NXPH1: variants seen among roughly 807,000 people sequenced by gnomAD.
NXPH1 encodes neurexophilin 1, also known as neurexophilin-1.
NXPH1 carries 5 observed loss-of-function variants against 23.7 expected under a neutral mutation model. The observed-to-expected ratio is 0.21, with a 90% CI of 0.11 to 0.44. The LOEUF is 0.44. Ranked by LOEUF, NXPH1 falls within the 20% of genes least tolerant of loss-of-function variation. The pLI, the probability that NXPH1 is intolerant of heterozygous loss-of-function variation, is 0.99. For missense variants in NXPH1, 324 were observed against 321.6 expected, an observed-to-expected ratio of 1.01 and a Z score of -0.06; for synonymous variants, 144 against 122.2, an observed-to-expected ratio of 1.18 and a Z score of -1.18.
intron 2 of NXPH1, among the ~76,000 whole-genome samples, chr7:8,558,193 T>C (rs1818390864): frequency 6.6e-6 from 1 of 151,750 alleles, no homozygotes; most frequent in African/African-American, 2.4e-5. Context: ...ATCTATCAGC[T>C]TTCAAGAGTC....
At chr7:8,536,749 A>G (rs939754350) in intron 2 of NXPH1, among the ~76,000 whole-genome samples, 4 of 151,992 alleles carry the variant, frequency 2.6e-5, no homozygotes, top group Non-Finnish European at 5.9e-5. Context: ...ACAAGAGAAT[A>G]TGGTGGCTTA....
At chr7:8,628,480 G>C (rs1461709431) in intron 2 of NXPH1, among the ~76,000 whole-genome samples, 1 of 150,740 alleles carries the variant, frequency 6.6e-6, no homozygotes, top group Non-Finnish European at 1.5e-5. Context: ...ACATTTAAGA[G>C]GAAAGTCAGG....
At chr7:8,741,456 T>G (rs1780359111) in intron 2 of NXPH1, among the ~76,000 whole-genome samples, 1 of 152,154 alleles carries the variant, frequency 6.6e-6, no homozygotes, top group Non-Finnish European at 1.5e-5. Context: ...TATTTGTAGT[T>G]GTAGTTTTTT....
chr7:8,675,863 T>C (rs1201058303), intron 2 of NXPH1, among the ~76,000 whole-genome samples: 1 of 152,132 alleles, frequency 6.6e-6, no homozygotes, highest in Non-Finnish European at 1.5e-5. Context: ...TTCCAATAAA[T>C]TAGTCAATTC....
At chr7:8,728,990 G>A (rs1306131438) in intron 2 of NXPH1, among the ~76,000 whole-genome samples, 6 of 150,950 alleles carry the variant, frequency 4.0e-5, no homozygotes, top group East Asian at 3.9e-4. Flanking sequence ...TGGTTGGTAA[G>A]CTATTGATTA....
intron 2 of NXPH1, among the ~76,000 whole-genome samples, chr7:8,695,842 A>G (rs1339280737): frequency 6.6e-6 from 1 of 152,192 alleles, no homozygotes; most frequent in Non-Finnish European, 1.5e-5. Flanking sequence ...TCTAACTGAG[A>G]TTAAACGTGG....
chr7:8,573,054 G>T (rs1023145962), intron 2 of NXPH1, among the ~76,000 whole-genome samples: 3 of 150,546 alleles, frequency 2.0e-5, no homozygotes, highest in African/African-American at 7.3e-5. Context: ...TACTGATATT[G>T]TTTTGATATA....
intron 2 of NXPH1, among the ~76,000 whole-genome samples, chr7:8,454,766 G>A (rs1816564793): frequency 6.6e-6 from 1 of 152,104 alleles, no homozygotes; most frequent in Non-Finnish European, 1.5e-5. Flanking sequence ...ATGGAATCCC[G>A]TGATTGAAAC....
At chr7:8,591,558 A>G (rs554588766) in intron 2 of NXPH1, among the ~76,000 whole-genome samples, 1 of 152,168 alleles carries the variant, frequency 6.6e-6, no homozygotes, top group Admixed American at 6.6e-5. Flanking sequence ...TCTTCAACCA[A>G]TATGAACATT....
In NXPH1 at chr7:8,649,275, C is replaced by T. The variant is rs567478014; in HGVS notation, c.55-101733C>T. On this transcript the variant is annotated intron_variant, in intron 2 of 2. Transcript: ENST00000405863. ...TATAATTTTGCTATCTTATTTTGTG[C>T]TGTTTTTCATATGGTATTTATCTCT... 2.6e-5 allele frequency among the ~76,000 whole-genome samples: 4 copies of T among 152,064 alleles called. 1 individual carries two copies. In the South Asian group the frequency reaches 8.3e-4, roughly 32 times the overall value.
chr7:8,735,386 T>A lies in NXPH1; in HGVS notation c.55-15622T>A, dbSNP rs553790542. On this transcript the variant is annotated intron_variant, in intron 2 of 2. Coordinates refer to ENST00000405863, the MANE Select transcript of NXPH1 (RefSeq NM_152745.3). Reference sequence around the variant, plus strand: ...TTTATTGAAGGCCTTGAGCAGGTATTGAGATAATCATGTGGTTTTTGTCAT... The same window carrying A: ...TTTATTGAAGGCCTTGAGCAGGTATAGAGATAATCATGTGGTTTTTGTCAT... Among the ~76,000 whole-genome samples the A allele has an allele frequency of 6.6e-5, 10 of 152,318 alleles. No homozygotes were observed. The East Asian group carries it at 1.9e-3, about 29-fold the overall frequency.
At chr7:8,545,876 G>A (rs1467312735) in intron 2 of NXPH1, among the ~76,000 whole-genome samples, 1 of 151,314 alleles carries the variant, frequency 6.6e-6, no homozygotes, top group East Asian at 2.0e-4. Flanking sequence ...ATGGCCAAAT[G>A]GTCTGACACA....
chr7:8,665,279 T>C (rs1820742216), intron 2 of NXPH1, among the ~76,000 whole-genome samples: 2 of 152,128 alleles, frequency 1.3e-5, no homozygotes, highest in Admixed American at 1.3e-4. Context: ...GAAAGGGCTG[T>C]CCTTTCCCCA....
At chr7:8,722,446 G>T (rs765787086) in intron 2 of NXPH1, among the ~76,000 whole-genome samples, 1 of 152,116 alleles carries the variant, frequency 6.6e-6, no homozygotes, top group Non-Finnish European at 1.5e-5. Context: ...CTTCCTCACA[G>T]TCCTCACTGT....
rs1280825905 is a variant in NXPH1 at position 8,598,982 on chromosome 7, C to T, written c.55-152026C>T. ...TCATTTATTCATCCAAACTTTTATG[C>T]ATAAGGCATTGTGCTAAATTTATTG... On this transcript the variant is annotated intron_variant, in intron 2 of 2. Coordinates refer to ENST00000405863, the MANE Select transcript of NXPH1 (RefSeq NM_152745.3). Among the ~76,000 whole-genome samples, 2 of 152,092 alleles carry T rather than the reference C, an allele frequency of 1.3e-5. 1 individual carries two copies. Among genetic ancestry groups the T allele is most frequent in the East Asian group, 3.9e-4 (2 of 5,184 alleles).
chr7:8,495,176 G>A (rs1230237114), intron 2 of NXPH1, among the ~76,000 whole-genome samples: 1 of 151,726 alleles, frequency 6.6e-6, no homozygotes, highest in East Asian at 1.9e-4. Context: ...GAGTTTGTAG[G>A]GCAGGTTGGT....
chr7:8,660,394 G>A (rs913348444), intron 2 of NXPH1, among the ~76,000 whole-genome samples: 1 of 152,076 alleles, frequency 6.6e-6, no homozygotes, highest in Non-Finnish European at 1.5e-5. Flanking sequence ...ACATAAACAC[G>A]GGTGAAAGTT....
In NXPH1 at chr7:8,644,863, T is replaced by C. The variant is rs114875816; in HGVS notation, c.55-106145T>C. Among the ~76,000 whole-genome samples, 839 of 152,296 alleles carry C rather than the reference T, an allele frequency of 5.5e-3. 5 individuals carry two copies. The highest frequency in any genetic ancestry group is 0.019 in the African/African-American group (781 of 41,574). ...TCATTCCTTTGCTTTTAGTAATAATTTTACTATATATGTTTATCTCCCCAA... is the reference window on the plus strand; with the variant it reads ...TCATTCCTTTGCTTTTAGTAATAATCTTACTATATATGTTTATCTCCCCAA... On this transcript the variant is annotated intron_variant, in intron 2 of 2. Coordinates refer to ENST00000405863, the MANE Select transcript of NXPH1 (RefSeq NM_152745.3).
chr7:8,435,871 C>A lies in NXPH1; in HGVS notation c.54+104C>A. ...GGTTACGCCGCCAGTTCAGTGAGAGCAGCTTCCTAGCAGCTGTGTTGGAGC... is the reference window on the plus strand; with the variant it reads ...GGTTACGCCGCCAGTTCAGTGAGAGAAGCTTCCTAGCAGCTGTGTTGGAGC... On this transcript the variant is annotated intron_variant, in intron 2 of 2. Transcript: ENST00000405863. This position sits in a 1 kb window ranked among gnomAD's most constrained non-coding sequence, Gnocchi z 5.9. 9.3e-7 allele frequency: 1 copy of A among 1,074,680 alleles called. No homozygotes were observed. The highest frequency in any genetic ancestry group is 1.4e-6 in the Non-Finnish European group (1 of 690,384). The allele number at this position is 1,074,680 out of a possible 1,614,324, so 66.6% of individuals were successfully genotyped here.
Sources: allele counts gnomAD v4.1 joint callset (sites outside exome capture counted in the v4.1 genomes callset), GRCh38; gene constraint gnomAD v4.1.1; non-coding constraint Gnocchi (gnomAD v3.1); transcripts MANE v1.5; gene names NCBI Gene and HGNC (gene_info 2026-07-23, HGNC 2026-07-21).